Variants in STRBP observed in about 807,000 individuals in gnomAD.
STRBP encodes spermatid perinuclear RNA binding protein.
Under a neutral mutation model 80.1 loss-of-function variants are expected in STRBP, and 13 were observed. The ratio of observed to expected loss-of-function variants is 0.16; its 90% CI spans 0.11 to 0.26. STRBP has a LOEUF of 0.26. Among genes scored for constraint, STRBP ranks in the 10% least tolerant of loss-of-function variants. STRBP has a pLI of 1.00. For missense variants in STRBP, 485 were observed against 815.2 expected, an observed-to-expected ratio of 0.59 and a Z score of 4.93; for synonymous variants, 284 against 291.2, an observed-to-expected ratio of 0.98 and a Z score of 0.25.
chr9:123,226,310 G>A (rs2040234072), intron 2 of STRBP, among the ~76,000 whole-genome samples: 1 of 152,092 alleles, frequency 6.6e-6, no homozygotes, highest in African/African-American at 2.4e-5. Flanking sequence ...GACTAAGTCT[G>A]TCAAAATTCA....
intron 1 of STRBP, among the ~76,000 whole-genome samples, chr9:123,268,185 G>A (rs1245142949): frequency 6.6e-6 from 1 of 151,890 alleles, no homozygotes; most frequent in Non-Finnish European, 1.5e-5. Flanking sequence ...GAGGAAGGCT[G>A]CCCGCTGCCC....
At chr9:123,145,343 A>G (rs1421696936) in intron 13 of STRBP, among the ~76,000 whole-genome samples, 5 of 152,242 alleles carry the variant, frequency 3.3e-5, no homozygotes, top group Non-Finnish European at 7.3e-5. Flanking sequence ...TCATAAAAAT[A>G]TATCACTGCA....
intron 11 of STRBP, among the ~76,000 whole-genome samples, chr9:123,154,916 C>T (rs1040080418): frequency 1.3e-5 from 2 of 152,170 alleles, no homozygotes; most frequent in Non-Finnish European, 2.9e-5. Flanking sequence ...TTGTTTTGGC[C>T]TTGTCTTTCA....
At position 123,132,886 on chromosome 9, in the gene STRBP, G is replaced by C; in HGVS notation, c.1856C>G (p.Ala619Gly). 1 of 1,614,064 alleles carries C rather than the reference G, an allele frequency of 6.2e-7. No homozygotes were observed. The highest frequency in any genetic ancestry group is 8.5e-7 in the Non-Finnish European group (1 of 1,179,974). ...GRGRGTLTRG[A>G]FVGATAAPGY... ...AGGAGCAGCTGTCGCCCCAACAAAAGCTCCCCTTGTTAGAGTTCCTCTTCC... is the reference window on the plus strand; with the variant it reads ...AGGAGCAGCTGTCGCCCCAACAAAACCTCCCCTTGTTAGAGTTCCTCTTCC... The change falls in exon 17 of 19, where the codon GCT becomes GGT. Residue 619 changes from alanine (A) to glycine (G), a missense_variant. Transcript: ENST00000348403.
At chr9:123,220,172 T>C (rs544945468) in intron 2 of STRBP, among the ~76,000 whole-genome samples, 2 of 152,232 alleles carry the variant, frequency 1.3e-5, no homozygotes, top group Non-Finnish European at 2.9e-5. Flanking sequence ...AGTTATAACA[T>C]TATTTTTAAA....
intron 2 of STRBP, among the ~76,000 whole-genome samples, chr9:123,190,983 C>T (rs1253757903): frequency 6.6e-6 from 1 of 152,172 alleles, no homozygotes; most frequent in East Asian, 1.9e-4. Context: ...CCTGTAATAT[C>T]CCAGGCACTG....
intron 2 of STRBP, among the ~76,000 whole-genome samples, chr9:123,200,762 T>TTTTTTTTA (rs1554762956): frequency 4.5e-5 from 6 of 133,554 alleles, no homozygotes; most frequent in African/African-American, 1.8e-4. Context: ...TTTTTTTTTT[T>TTTTTTTTA]AGTAGAGACC....
chr9:123,254,345 C>T (rs979622885), intron 1 of STRBP, among the ~76,000 whole-genome samples: 1 of 151,706 alleles, frequency 6.6e-6, no homozygotes, highest in African/African-American at 2.4e-5. Flanking sequence ...CCTGTAGTCC[C>T]AGCTCCTCGG....
At chr9:123,173,655 G>A in intron 5 of STRBP, 22 bp downstream of exon 5, 3 of 1,575,412 alleles carry the variant, frequency 1.9e-6, no homozygotes, top group Non-Finnish European at 1.7e-6. Flanking sequence ...TTCGCCTAGA[G>A]GTGCAGTTAA....
intron 2 of STRBP, among the ~76,000 whole-genome samples, chr9:123,233,355 G>A (rs2040451892): frequency 6.6e-6 from 1 of 152,140 alleles, no homozygotes; most frequent in African/African-American, 2.4e-5. Context: ...AGGGTTACAG[G>A]CCTGAGCCCC....
At chr9:123,244,210 G>C (rs1331487366) in intron 1 of STRBP, among the ~76,000 whole-genome samples, 2 of 152,104 alleles carry the variant, frequency 1.3e-5, no homozygotes, top group Non-Finnish European at 2.9e-5. Context: ...AGTGTGAAAA[G>C]GTCAGATACT....
At chr9:123,155,891 G>A (rs1279027451) in intron 11 of STRBP, among the ~76,000 whole-genome samples, 4 of 151,566 alleles carry the variant, frequency 2.6e-5, no homozygotes, top group African/African-American at 4.8e-5. Flanking sequence ...AGGAAGCTAG[G>A]TGCTAAAAGC....
intron 6 of STRBP, among the ~76,000 whole-genome samples, chr9:123,165,630 T>C (rs1403264723): frequency 6.6e-6 from 1 of 152,156 alleles, no homozygotes; most frequent in African/African-American, 2.4e-5. Flanking sequence ...CCCCCTTCAA[T>C]AGCAAATATA....
In STRBP at chr9:123,122,141, T is replaced by C; in HGVS notation, c.*3456A>G. 3.4e-6 allele frequency: 1 copy of C among 294,560 alleles called. No homozygotes were observed. Among genetic ancestry groups the C allele is most frequent in the Non-Finnish European group, 6.4e-6 (1 of 157,320 alleles). 18.2% of individuals were successfully genotyped at this position (294,560 alleles called of 1,614,324 possible). ...ATCATATATGATTGTCATATATGCA[T>C]GTTGTCTTAATTGACTATTTTTCTC... is the stretch of plus-strand genomic sequence containing the variant. On this transcript the variant is annotated 3_prime_UTR_variant, in exon 19 of 19. Transcript: ENST00000348403.
intron 1 of STRBP, among the ~76,000 whole-genome samples, chr9:123,261,985 T>A (rs2041169666): frequency 1.3e-5 from 2 of 152,222 alleles, no homozygotes; most frequent in Admixed American, 1.3e-4. Flanking sequence ...ATGAACTGCC[T>A]CCATCTTAAC....
At chr9:123,158,538 A>AG (rs1231088900) in intron 9 of STRBP, 109 bp from the exon 10 acceptor site, 5 of 824,584 alleles carry the variant, frequency 6.1e-6, no homozygotes, top group Non-Finnish European at 9.6e-6. Context: ...GAAAAAAAAA[A>AG]CTGAGGAACT....
intron 2 of STRBP, among the ~76,000 whole-genome samples, chr9:123,216,368 C>A (rs1017381820): frequency 6.6e-6 from 1 of 152,122 alleles, no homozygotes; most frequent in Admixed American, 6.5e-5. Context: ...AGTTGTCAAG[C>A]GAATAATCAA....
At chr9:123,145,632 G>T (rs764543298) in intron 13 of STRBP, among the ~76,000 whole-genome samples, 3 of 152,192 alleles carry the variant, frequency 2.0e-5, no homozygotes, top group Non-Finnish European at 4.4e-5. Context: ...AGACGAGAGA[G>T]TGAATTGTAT....
intron 11 of STRBP, 58 bp downstream of exon 11, chr9:123,157,954 C>T: frequency 8.5e-7 from 1 of 1,177,372 alleles, no homozygotes. Context: ...GAGATGAATC[C>T]CATGATTATC....
Sources: allele counts gnomAD v4.1 joint callset (sites outside exome capture counted in the v4.1 genomes callset), GRCh38; gene constraint gnomAD v4.1.1; transcripts MANE v1.5; gene names NCBI Gene and HGNC (gene_info 2026-07-23, HGNC 2026-07-21).